WDR59: variants seen among roughly 807,000 people sequenced by gnomAD.
WDR59 encodes WD repeat domain 59.
In WDR59, 100 loss-of-function variants were observed where a neutral mutation model predicts 131.2. That is an observed-to-expected ratio of 0.76 (90% CI 0.65 to 0.90). The LOEUF (loss-of-function observed/expected upper bound fraction) is 0.90, where lower values mean the gene tolerates loss of function less well. WDR59 is among the 40% of genes least tolerant of loss of function. The pLI is 0.00. For missense variants in WDR59, 1,203 were observed against 1,262.2 expected (o/e 0.95, Z 0.71); for synonymous variants, 601 against 466.2 (o/e 1.29, Z -3.72).
chr16:74,951,582 G>C, intron 3 of WDR59, 39 bp from the exon 4 acceptor site: 1 of 1,532,416 alleles, frequency 6.5e-7, no homozygotes. Flanking sequence ...CAAGTATGTT[G>C]GGATATATGG....
chr16:74,944,510 C>T (rs552024997), intron 6 of WDR59, among the ~76,000 whole-genome samples: 3 of 151,336 alleles, frequency 2.0e-5, no homozygotes, highest in African/African-American at 7.3e-5. Flanking sequence ...ATGGAGGTCC[C>T]GGGCTATGAG....
At chr16:74,957,137 G>A (rs1352114344) in intron 2 of WDR59, among the ~76,000 whole-genome samples, 1 of 137,514 alleles carries the variant, frequency 7.3e-6, no homozygotes. Context: ...CTGGAGTACT[G>A]TGGTATGATC....
chr16:74,956,732 A>G (rs2030890682), intron 2 of WDR59, 122 bp from the exon 3 acceptor site: 3 of 1,210,664 alleles, frequency 2.5e-6, no homozygotes, highest in Admixed American at 2.2e-5. Context: ...CCAAACACAC[A>G]TGGCATTTAT....
chr16:74,982,734 G>C (rs550952311), intron 1 of WDR59, among the ~76,000 whole-genome samples: 1 of 152,190 alleles, frequency 6.6e-6, no homozygotes, highest in Non-Finnish European at 1.5e-5. Flanking sequence ...CGGAGACTCT[G>C]TGCTGACAGT....
intron 18 of WDR59, among the ~76,000 whole-genome samples, chr16:74,898,158 T>C (rs997795809): frequency 5.9e-5 from 9 of 152,182 alleles, no homozygotes; most frequent in Admixed American, 2.0e-4. Context: ...TGCCAGGTAA[T>C]AACATATGGA....
chr16:74,896,229 G>A (rs1965291340), intron 18 of WDR59, among the ~76,000 whole-genome samples: 1 of 152,224 alleles, frequency 6.6e-6, no homozygotes, highest in African/African-American at 2.4e-5. Context: ...AAAAGAGAAT[G>A]AGAAGCACTT....
intron 8 of WDR59, among the ~76,000 whole-genome samples, chr16:74,925,407 G>C (rs1184145990): frequency 1.3e-5 from 2 of 152,016 alleles, no homozygotes; most frequent in Admixed American, 1.3e-4. Flanking sequence ...AGCTGGGCAT[G>C]GTGGCACACA....
In WDR59 at chr16:74,948,516, C is replaced by T; in HGVS notation, c.445+3G>A. ...GGGTGAGGTGGGAGAAGCATACACTCACCAACAGCAGACAGTGCAACAGTA... is the reference window on the plus strand; with the variant it reads ...GGGTGAGGTGGGAGAAGCATACACTTACCAACAGCAGACAGTGCAACAGTA... On this transcript the variant is annotated splice_donor_region_variant and intron_variant, in intron 6 of 25. Transcript: ENST00000262144. 6.2e-7 allele frequency: 1 copy of T among 1,613,692 alleles called. No individual in the cohort carries two copies. Among genetic ancestry groups the T allele is most frequent in the East Asian group, 2.2e-5 (1 of 44,880 alleles).
chr16:74,874,588 T>A (rs1225049231), intron 25 of WDR59, 144 bp from the exon 26 acceptor site: 3 of 701,878 alleles, frequency 4.3e-6, no homozygotes, highest in African/African-American at 3.6e-5. Context: ...ATTTTCTGTT[T>A]TTTTTATTTT....
rs370048640 is a variant in WDR59, at chr16:74,912,078, G to A, written c.1389+120C>T. On this transcript the variant is annotated intron_variant, in intron 14 of 25. Coordinates refer to ENST00000262144, the MANE Select transcript of WDR59 (RefSeq NM_030581.4). Reference sequence around the variant, plus strand: ...TTCAGAGGTTACGTTGCTAATACTAGTGTGTGTACGAAACAGATGACTTCC... The same window carrying A: ...TTCAGAGGTTACGTTGCTAATACTAATGTGTGTACGAAACAGATGACTTCC... 1.1e-4 allele frequency: 145 copies of A among 1,324,994 alleles called. 4 individuals are homozygous for A. In the South Asian group the frequency reaches 1.2e-3, roughly 11 times the overall value. The allele number at this position is 1,324,994 out of a possible 1,614,324, so 82.1% of individuals were successfully genotyped here. A position where few individuals can be genotyped will look rare whatever the true frequency, so the allele number is the denominator to read the frequency against.
At chr16:74,913,449 G>T (rs1966206677) in intron 13 of WDR59, among the ~76,000 whole-genome samples, 1 of 151,924 alleles carries the variant, frequency 6.6e-6, no homozygotes, top group Non-Finnish European at 1.5e-5. Context: ...TGTTGTTGTT[G>T]TTGTTTTGCT....
intron 13 of WDR59, among the ~76,000 whole-genome samples, chr16:74,914,156 G>A (rs1416108135): frequency 2.0e-5 from 3 of 152,134 alleles, no homozygotes. Context: ...AGCCTGCAGT[G>A]AGTCACGGTA....
At chr16:74,966,061 A>T (rs911779624) in intron 1 of WDR59, among the ~76,000 whole-genome samples, 1 of 151,948 alleles carries the variant, frequency 6.6e-6, no homozygotes, top group African/African-American at 2.4e-5. Flanking sequence ...CTGGACTCCA[A>T]CTCCTGGTCT....
chr16:74,878,338 T>C (rs1044176150), intron 25 of WDR59, among the ~76,000 whole-genome samples: 1 of 152,250 alleles, frequency 6.6e-6, no homozygotes, highest in Non-Finnish European at 1.5e-5. Context: ...ATTTTTTAAA[T>C]TTGTTTTATG....
rs774938728 is a variant in WDR59 at position 74,912,369 on chromosome 16, G to C, written c.1225-7C>G. The C allele has an allele frequency of 1.2e-6, 2 of 1,609,598 alleles. No individual in the cohort carries two copies. Among genetic ancestry groups the C allele is most frequent in the East Asian group, 4.5e-5 (2 of 44,780 alleles). ...TCCTGTCTGCCGCATCCATCTGCAA[G>C]AGACAAATCCACAATTGCTGTAGAA... On this transcript the variant is annotated splice_polypyrimidine_tract_variant and splice_region_variant and intron_variant, in intron 13 of 25. Transcript: ENST00000262144.
chr16:74,979,082 C>T (rs2034297636), intron 1 of WDR59: 1 of 152,134 alleles, frequency 6.6e-6, no homozygotes, highest in Non-Finnish European at 1.5e-5. Context: ...ATATCATAGC[C>T]ATTAGCCACA....
chr16:74,932,112 A>C (rs2145052275), intron 8 of WDR59, among the ~76,000 whole-genome samples: 1 of 151,178 alleles, frequency 6.6e-6, no homozygotes, highest in South Asian at 2.1e-4. Context: ...TTATTTTTTT[A>C]AGAGATAGGG....
Position 74,887,722 on chromosome 16 carries a change from T to C in WDR59, c.2380A>G (p.Met794Val), listed in dbSNP as rs749950891. The C allele has an allele frequency of 4.3e-5, 70 of 1,613,982 alleles. No individual in the cohort carries two copies. The highest frequency in any genetic ancestry group is 5.8e-5 in the Non-Finnish European group (68 of 1,180,018). ...CCAGTGTTGAGCCCTGGGTCTGACA[T>C]ACTGGAGCAGGAACCAGAAGAGGTA... ...SFTSSGSCSSMSDPGLNTGGW... is the reference protein window; with the variant it reads ...SFTSSGSCSSVSDPGLNTGGW... The change falls in exon 23 of 26, where the codon ATG (methionine) becomes GTG (valine). Residue 794 changes from methionine (M) to valine (V), a missense_variant. By Grantham distance (21) the Met-to-Val change is conservative (BLOSUM62 1). Transcript: ENST00000262144.
chr16:74,975,750 T>C (rs1241877177), intron 1 of WDR59, among the ~76,000 whole-genome samples: 1 of 151,926 alleles, frequency 6.6e-6, no homozygotes, highest in Admixed American at 6.6e-5. Context: ...CAAGATCACA[T>C]GGAAGACAGG....
Sources: gnomAD v4.1 joint callset for allele counts (sites outside exome capture counted in the v4.1 genomes callset) on GRCh38, gnomAD v4.1.1 for gene constraint, MANE v1.5 for transcripts, NCBI Gene and HGNC (gene_info 2026-07-23, HGNC 2026-07-21) for gene names.